The following COPG2 variants were observed in gnomAD, a reference collection of about 807,000 sequenced individuals.
The protein encoded by COPG2 is coatomer subunit gamma-2.
Under a neutral mutation model 46.3 loss-of-function variants are expected in COPG2, and 37 were observed. That is an observed-to-expected ratio of 0.80 (90% CI 0.61 to 1.05). The LOEUF (loss-of-function observed/expected upper bound fraction) is 1.05. COPG2 is among the 50% of genes least tolerant of loss of function. The probability of loss-of-function intolerance (pLI) is 0.00; values close to 1 mark genes in which losing one functional copy is unlikely to be tolerated. For synonymous variants in COPG2, 159 were observed against 129.7 expected, an observed-to-expected ratio of 1.23 and a Z score of -1.53; for missense variants, 427 against 387.8, an observed-to-expected ratio of 1.10 and a Z score of -0.85.
intron 20 of COPG2, among the ~76,000 whole-genome samples, chr7:130,519,815 G>A (rs1048812241): frequency 6.6e-6 from 1 of 152,160 alleles, no homozygotes; most frequent in Admixed American, 6.5e-5. Context: ...GACAGATCAA[G>A]TATAAATTAA....
intron 8 of COPG2, 109 bp from the exon 9 acceptor site, chr7:130,611,219 G>C: frequency 3.1e-6 from 3 of 965,972 alleles, no homozygotes; most frequent in Non-Finnish European, 3.0e-6. Context: ...AAAATACCCA[G>C]GTCACATGTA....
chr7:130,662,943 TAA>T, intron 4 of COPG2, 22 bp downstream of exon 4: 2 of 1,431,324 alleles, frequency 1.4e-6, no homozygotes, highest in Non-Finnish European at 1.9e-6. Context: ...TTTTTCATCG[TAA>T]AAAAAATTTA....
In COPG2 at chr7:130,643,281, C is replaced by T. The variant is rs192661131; in HGVS notation, c.323+9588G>A. On this transcript the variant is annotated intron_variant, in intron 5 of 23. Coordinates refer to ENST00000425248, the MANE Select transcript of COPG2 (RefSeq NM_012133.6). ...CTGCACTCCAGCCTGGGCGACAGAG[C>T]GAGACTGTGTCTCAAAAAAAAAAAA... Among the ~76,000 whole-genome samples the T allele has an allele frequency of 1.4e-3, 204 of 149,072 alleles. 1 individual carries two copies. The Middle Eastern group carries it at 0.017, about 12-fold the overall frequency.
intron 8 of COPG2, among the ~76,000 whole-genome samples, chr7:130,611,444 G>A (rs1411559404): frequency 2.6e-5 from 4 of 152,108 alleles, no homozygotes; most frequent in African/African-American, 4.8e-5. Flanking sequence ...CTGTCTCTAC[G>A]AGTGGCTTTA....
At chr7:130,622,764 C>G (rs1795060714) in intron 5 of COPG2, among the ~76,000 whole-genome samples, 1 of 152,124 alleles carries the variant, frequency 6.6e-6, no homozygotes, top group African/African-American at 2.4e-5. Flanking sequence ...TGACTCAAAC[C>G]TTTATCCCAA....
rs185253174 is a variant in COPG2, at chr7:130,640,753, T to C, written c.323+12116A>G. On this transcript the variant is annotated intron_variant, in intron 5 of 23. Coordinates refer to ENST00000425248, the MANE Select transcript of COPG2 (RefSeq NM_012133.6). ...TTCTCAACACACATTAACACACCTT[T>C]CTCCACTTCTGCCTGTGTGAGTGCT... 3.5e-3 allele frequency among the ~76,000 whole-genome samples: 530 copies of C among 152,268 alleles called. 2 individuals carry two copies. Among genetic ancestry groups the C allele is most frequent in the African/African-American group, 0.012 (502 of 41,548 alleles).
At chr7:130,605,975 G>C (rs919796003) in intron 9 of COPG2, among the ~76,000 whole-genome samples, 2 of 152,188 alleles carry the variant, frequency 1.3e-5, no homozygotes, top group African/African-American at 4.8e-5. Context: ...ACTGGAATTA[G>C]GCACTGGGTG....
chr7:130,532,141 G>T (rs1292811156), intron 20 of COPG2, among the ~76,000 whole-genome samples: 11 of 152,148 alleles, frequency 7.2e-5, no homozygotes, highest in South Asian at 2.1e-4. Context: ...GAGGCATCAG[G>T]GTCAAGACTG....
intron 9 of COPG2, among the ~76,000 whole-genome samples, chr7:130,574,430 C>A (rs368600873): frequency 1.0e-3 from 158 of 152,154 alleles, no homozygotes; most frequent in African/African-American, 3.5e-3. Context: ...GGTGGCTAGA[C>A]CCAGAAGAGA....
chr7:130,613,659 A>G, intron 6 of COPG2, 23 bp from the exon 7 acceptor site: 1 of 1,516,196 alleles, frequency 6.6e-7, no homozygotes, highest in Non-Finnish European at 9.0e-7. Context: ...AAAAAGAAAA[A>G]ATTGTTAAGG....
intron 9 of COPG2, among the ~76,000 whole-genome samples, chr7:130,575,222 C>G (rs1356361530): frequency 2.6e-5 from 4 of 152,104 alleles, no homozygotes; most frequent in Admixed American, 2.6e-4. Flanking sequence ...AAATTCATTG[C>G]AAAAGGATCA....
intron 20 of COPG2, among the ~76,000 whole-genome samples, chr7:130,543,262 T>A (rs1793372364): frequency 6.6e-6 from 1 of 152,184 alleles, no homozygotes; most frequent in Admixed American, 6.5e-5. Flanking sequence ...TTAACAAGAT[T>A]GAAATTAAGG....
At chr7:130,577,810 C>A (rs1794039120) in intron 9 of COPG2, among the ~76,000 whole-genome samples, 1 of 151,690 alleles carries the variant, frequency 6.6e-6, no homozygotes, top group African/African-American at 2.4e-5. Flanking sequence ...AACAGCCCAC[C>A]ACGAGATTAC....
intron 20 of COPG2, among the ~76,000 whole-genome samples, chr7:130,524,741 G>A (rs1799757968): frequency 1.3e-5 from 2 of 152,246 alleles, no homozygotes; most frequent in Admixed American, 1.3e-4. Context: ...GGTGGGAGGA[G>A]GCCAAGGGAG....
chr7:130,525,764 A>G (rs1045455451), intron 20 of COPG2, among the ~76,000 whole-genome samples: 70 of 152,306 alleles, frequency 4.6e-4, no homozygotes, highest in Admixed American at 7.2e-4. Context: ...CATGGGACAG[A>G]GTATGGCCAA....
At chr7:130,564,547 G>A (rs1302888674) in intron 9 of COPG2, 154 bp from the exon 10 acceptor site, 1 of 395,542 alleles carries the variant, frequency 2.5e-6, no homozygotes, top group African/African-American at 2.1e-5. Context: ...TTAGAACACT[G>A]GCAAAATTGT....
intron 20 of COPG2, chr7:130,547,159 G>A (rs1240587131): frequency 6.6e-6 from 1 of 152,310 alleles, no homozygotes; most frequent in African/African-American, 2.4e-5. Flanking sequence ...CCTTCTTAAT[G>A]TGGACACACA....
chr7:130,513,304 A>T (rs1475704685), intron 20 of COPG2, among the ~76,000 whole-genome samples: 92 of 48,426 alleles, frequency 1.9e-3, no homozygotes, highest in African/African-American at 5.8e-3. Flanking sequence ...AAAAAAAAAA[A>T]AAAAATATAT....
intron 12 of COPG2, among the ~76,000 whole-genome samples, chr7:130,557,217 G>T (rs1463961895): frequency 6.6e-6 from 1 of 151,898 alleles, no homozygotes. Flanking sequence ...ATGATAACCA[G>T]GTAGAAGATA....
Sources: gnomAD v4.1 joint callset for allele counts (sites outside exome capture counted in the v4.1 genomes callset) on GRCh38, gnomAD v4.1.1 for gene constraint, MANE v1.5 for transcripts, NCBI Gene and HGNC (gene_info 2026-07-23, HGNC 2026-07-21) for gene names.